The following FAM111B variants were observed in gnomAD, a reference collection of about 807,000 sequenced individuals.
FAM111B encodes the protein FAM111 trypsin like peptidase B.
FAM111B carries 1 observed loss-of-function variant against 2.8 expected under a neutral mutation model. That is an observed-to-expected ratio of 0.36 (90% CI 0.13 to 1.70). FAM111B has a LOEUF of 1.70. FAM111B is among the 40% of genes most tolerant of loss of function. The pLI is 0.35. For missense variants in FAM111B, 882 were observed against 878.9 expected (o/e 1.00, Z -0.04); for synonymous variants, 297 against 295.6 (o/e 1.00, Z -0.05).
chr11:59,110,911 T>C (rs1422514375), intron 3 of FAM111B, among the ~76,000 whole-genome samples: 4 of 152,208 alleles, frequency 2.6e-5, no homozygotes, highest in East Asian at 1.9e-4. Flanking sequence ...GTAGGCTTTA[T>C]ATCAATAAGA....
In FAM111B at chr11:59,124,506, A is replaced by G; in HGVS notation, c.409A>G (p.Ile137Val). 1.2e-6 allele frequency: 2 copies of G among 1,613,454 alleles called. No individual in the cohort carries two copies. Among genetic ancestry groups the G allele is most frequent in the Non-Finnish European group, 1.7e-6 (2 of 1,179,674 alleles). ...KNIIVYEEKT[I>V]DGHINLGMPL... ...CATTATTGTTTATGAAGAAAAGACA[A>G]TAGATGGACATATAAATTTAGGAAT... Residue 137 changes from isoleucine to valine, a missense_variant, in exon 4 of 4, where the codon ATA becomes GTA. Physicochemically the swap from Ile to Val is conservative, Grantham distance 29. Coordinates refer to ENST00000343597, the MANE Select transcript of FAM111B (RefSeq NM_198947.4).
At chr11:59,122,301 C>T (rs1466007821) in intron 3 of FAM111B, among the ~76,000 whole-genome samples, 1 of 152,008 alleles carries the variant, frequency 6.6e-6, no homozygotes, top group Non-Finnish European at 1.5e-5. Context: ...AAGTGTAAGA[C>T]AATGATAATT....
At chr11:59,119,212 T>G (rs1456714488) in intron 3 of FAM111B, among the ~76,000 whole-genome samples, 1 of 152,208 alleles carries the variant, frequency 6.6e-6, no homozygotes, top group Non-Finnish European at 1.5e-5. Context: ...GGACCCTCTC[T>G]GTACAGTCCT....
At position 59,125,928 on chromosome 11, in the gene FAM111B, G is replaced by A. The variant is rs1175121440; in HGVS notation, c.1831G>A (p.Val611Ile). Residue 611 changes from valine to isoleucine, a missense_variant, in exon 4 of 4, where the codon GTA (valine) becomes ATA (isoleucine). Val to Ile is a conservative substitution (Grantham distance 29). Coordinates refer to ENST00000343597, the MANE Select transcript of FAM111B (RefSeq NM_198947.4). ...KYPNDCQDGL[V>I]DLYDTTSNVY... ...TCCAAACGATTGTCAAGATGGGTTG[G>A]TAGATCTCTATGATACCACCAGTAA... 6.2e-7 allele frequency: 1 copy of A among 1,613,820 alleles called. No individual in the cohort carries two copies. The highest frequency in any genetic ancestry group is 1.7e-5 in the Admixed American group (1 of 59,992).
At position 59,126,289 on chromosome 11, in the gene FAM111B, C is replaced by T. The variant is rs527774481; in HGVS notation, c.2192C>T (p.Pro731Leu). 27 of 1,526,860 alleles carry T rather than the reference C, an allele frequency of 1.8e-5. No individual in the cohort carries two copies. Among genetic ancestry groups the T allele is most frequent in the Admixed American group, 2.3e-5 (1 of 43,972 alleles). 94.6% of individuals were successfully genotyped at this position (1,526,860 alleles called of 1,614,324 possible). A position where few individuals can be genotyped will look rare whatever the true frequency, so the allele number is the denominator to read the frequency against. ...TCACTTCAAGATCATCAGATTGAACCCATGGAATGTTAGAAAAGAGATGCT... is the reference window on the plus strand; with the variant it reads ...TCACTTCAAGATCATCAGATTGAACTCATGGAATGTTAGAAAAGAGATGCT... ...ESSLQDHQIEPMEC is the reference protein window; with the variant it reads ...ESSLQDHQIELMEC The change falls in exon 4 of 4, where the codon CCC (proline) becomes CTC (leucine). Residue 731 changes from proline to leucine, a missense_variant. Coordinates refer to ENST00000343597, the MANE Select transcript of FAM111B (RefSeq NM_198947.4).
Position 59,121,242 on chromosome 11 carries a change from A to G in FAM111B, c.82-2937A>G, listed in dbSNP as rs370334921. Among the ~76,000 whole-genome samples, 243 of 152,324 alleles carry G rather than the reference A, an allele frequency of 1.6e-3. 4 individuals are homozygous for G. The South Asian group carries it at 0.046, about 29-fold the overall frequency. On this transcript the variant is annotated intron_variant, in intron 3 of 3. Transcript: ENST00000343597. ...GATGAATAAACAATTTGTGTCTACA[A>G]TATTTAAAATACTCCTAGAATCAAT...
intron 2 of FAM111B, among the ~76,000 whole-genome samples, chr11:59,109,123 G>A (rs976780984): frequency 1.3e-5 from 2 of 152,150 alleles, no homozygotes; most frequent in Non-Finnish European, 2.9e-5. Flanking sequence ...AGTCCTGTAT[G>A]AGCCTCAGAA....
chr11:59,110,139 G>T (rs1162590729), intron 3 of FAM111B: 1 of 152,248 alleles, frequency 6.6e-6, no homozygotes, highest in East Asian at 1.9e-4. Flanking sequence ...CAGAAGTAAT[G>T]GACTTCAGAG....
chr11:59,117,683 A>T (rs964538879), intron 3 of FAM111B, among the ~76,000 whole-genome samples: 1 of 152,172 alleles, frequency 6.6e-6, no homozygotes, highest in African/African-American at 2.4e-5. Context: ...TGGGACTGGC[A>T]CTGAATCCTC....
chr11:59,126,450 G>A lies in FAM111B; in HGVS notation c.*148G>A, dbSNP rs1022404546. ...GCACAGCAAAAGAAACTATCAACAG[G>A]GTAAACACACAACCTACGGAATGGG... On this transcript the variant is annotated 3_prime_UTR_variant, in exon 4 of 4. Coordinates refer to ENST00000343597, the MANE Select transcript of FAM111B (RefSeq NM_198947.4). The A allele has an allele frequency of 1.8e-5, 10 of 571,034 alleles. No individual in the cohort carries two copies. Among genetic ancestry groups the A allele is most frequent in the South Asian group, 7.0e-5 (2 of 28,580 alleles). 35.4% of individuals were successfully genotyped at this position (571,034 alleles called of 1,614,324 possible). A position where few individuals can be genotyped will look rare whatever the true frequency, so the allele number is the denominator to read the frequency against.
In FAM111B at chr11:59,125,651, T is replaced by C. The variant is rs774828017; in HGVS notation, c.1554T>C (p.Thr518=). 4 of 1,613,968 alleles carry C rather than the reference T, an allele frequency of 2.5e-6. No individual in the cohort carries two copies. The Admixed American group carries it at 6.7e-5, about 27-fold the overall frequency. ...GCAAATGTGCGAAGGTAACCTTCAC[T>C]TATACAGAGTTCTGCCCTACTCCTG... is the stretch of plus-strand genomic sequence containing the variant. ...IISKCAKVTF[T]YTEFCPTPDN... is the part of the protein sequence containing the mutation. Residue 518 remains threonine (T), a synonymous_variant, in exon 4 of 4, where the codon ACT becomes ACC. Coordinates refer to ENST00000343597, the MANE Select transcript of FAM111B (RefSeq NM_198947.4).
rs371395725 is a variant in FAM111B, at chr11:59,125,829, G to A, written c.1732G>A (p.Gly578Ser). Residue 578 changes from glycine (G) to serine (S), a missense_variant, in exon 4 of 4, where the codon GGT becomes AGT. Coordinates refer to ENST00000343597, the MANE Select transcript of FAM111B (RefSeq NM_198947.4). ...QPSTGLIYLI[G>S]HPEGQIKKID... ...ATCTACTGGTTTGATTTATTTAATT[G>A]GTCATCCTGAAGGCCAGATCAAGAA... 1.4e-5 allele frequency: 22 copies of A among 1,613,690 alleles called. No individual in the cohort carries two copies. In the African/African-American group the frequency reaches 2.4e-4, roughly 18 times the overall value.
intron 3 of FAM111B, among the ~76,000 whole-genome samples, chr11:59,115,789 G>A (rs1859829913): frequency 6.6e-6 from 1 of 152,164 alleles, no homozygotes; most frequent in African/African-American, 2.4e-5. Context: ...CAAGCAATGA[G>A]GTAAAGTCCT....
intron 3 of FAM111B, among the ~76,000 whole-genome samples, chr11:59,118,716 T>G (rs954537942): frequency 6.6e-6 from 1 of 152,222 alleles, no homozygotes; most frequent in East Asian, 1.9e-4. Context: ...TTCATAAGAT[T>G]GAAGAAGTTT....
chr11:59,108,598 T>C (rs1859704403), intron 1 of FAM111B, 70 bp from the exon 2 acceptor site: 1 of 153,168 alleles, frequency 6.5e-6, no homozygotes, highest in Non-Finnish European at 1.5e-5. Flanking sequence ...AATTGCATAA[T>C]GTCCAGTTCC....
In FAM111B at chr11:59,126,039, GGGTCCTCA is replaced by G. The variant is rs1279244541; in HGVS notation, c.1945_1952del (p.Ser649LeufsTer5). On this transcript the variant is annotated frameshift_variant, in exon 4 of 4. Transcript: ENST00000343597. LOFTEE classifies it low-confidence loss of function (END_TRUNC). ...TAGTTATGATACTTGTTTCTCTGAT[GGGTCCTCA>G]GGCTCCCCAGTGTTTAATGCATCTG... 2 of 1,613,872 alleles carry G rather than the reference GGGTCCTCA, an allele frequency of 1.2e-6. No homozygotes were observed. Among genetic ancestry groups the G allele is most frequent in the South Asian group, 2.2e-5 (2 of 91,058 alleles).
chr11:59,123,756 A>G (rs948400181), intron 3 of FAM111B, among the ~76,000 whole-genome samples: 4 of 152,218 alleles, frequency 2.6e-5, no homozygotes, highest in Non-Finnish European at 4.4e-5. Flanking sequence ...TTTAAGAAAC[A>G]TAAGATTTAG....
At position 59,125,583 on chromosome 11, in the gene FAM111B, G is replaced by A; in HGVS notation, c.1486G>A (p.Val496Met). ...FTCRHVVHLM[V>M]GKNTHPSLWP... is the part of the protein sequence containing the mutation. ...CTGTCGACATGTTGTACATCTTATG[G>A]TGGGTAAAAACACACATCCAAGTTT... Residue 496 changes from valine (V) to methionine (M), a missense_variant, in exon 4 of 4, where the codon GTG (valine) becomes ATG (methionine). By Grantham distance (21) the Val-to-Met change is conservative (BLOSUM62 1). Transcript: ENST00000343597. 1.2e-6 allele frequency: 2 copies of A among 1,613,840 alleles called. No individual in the cohort carries two copies. The highest frequency in any genetic ancestry group is 1.7e-5 in the Admixed American group (1 of 60,006).
At chr11:59,110,148 A>G (rs1456291701) in intron 3 of FAM111B, 1 of 152,314 alleles carries the variant, frequency 6.6e-6, no homozygotes, top group Non-Finnish European at 1.5e-5. Flanking sequence ...TGGACTTCAG[A>G]GCAAGGATTT....
Sources: allele counts gnomAD v4.1 joint callset (sites outside exome capture counted in the v4.1 genomes callset), GRCh38; gene constraint gnomAD v4.1.1; transcripts MANE v1.5; gene names NCBI Gene and HGNC (gene_info 2026-07-23, HGNC 2026-07-21).